MORC4: variants seen among roughly 807,000 people sequenced by gnomAD.
MORC4 encodes MORC family CW-type zinc finger 4, also known as MORC family CW-type zinc finger protein 4.
In MORC4, 22 loss-of-function variants were observed where a neutral mutation model predicts 65.5. That is an observed-to-expected ratio of 0.34 (90% CI 0.24 to 0.48). The LOEUF (loss-of-function observed/expected upper bound fraction) is 0.48. Ranked by LOEUF, MORC4 falls within the 20% of genes least tolerant of loss-of-function variation. The pLI, the probability that MORC4 is intolerant of heterozygous loss-of-function variation, is 0.99. For synonymous variants in MORC4, 267 were observed against 255.8 expected (o/e 1.04, Z -0.42); for missense variants, 624 against 703.0 (o/e 0.89, Z 1.27).
chrX:106,947,238 G>A (rs949855814), intron 14 of MORC4, among the ~76,000 whole-genome samples: 2 of 109,792 alleles, frequency 1.8e-5, no homozygotes, highest in African/African-American at 6.6e-5. Context: ...TAAATTCACT[G>A]AGGTTTGTTT....
In MORC4 at chrX:106,993,337, A is replaced by G; in HGVS notation, c.201T>C (p.Ser67=). The G allele has an allele frequency of 8.3e-7, 1 of 1,209,897 alleles. No homozygotes were observed. ...CAACATCTATAAAGACCGTCCTGGC[A>G]GATACATCTGGATCTACAGCATTAT... ...LLDNAVDPDV[S]ARTVFIDVEE... The change falls in exon 3 of 17, where the codon TCT becomes TCC. Residue 67 remains serine, a synonymous_variant. Coordinates refer to ENST00000355610, the MANE Select transcript of MORC4 (RefSeq NM_024657.5).
At chrX:106,970,643 C>A (rs1034996188) in intron 9 of MORC4, among the ~76,000 whole-genome samples, 1 of 111,698 alleles carries the variant, frequency 9.0e-6, no homozygotes, top group Non-Finnish European at 1.9e-5. Flanking sequence ...AAAATCAATG[C>A]GCAAAAATCA....
intron 9 of MORC4, among the ~76,000 whole-genome samples, chrX:106,968,293 C>T (rs1419582227): frequency 9.0e-6 from 1 of 110,941 alleles, no homozygotes; most frequent in African/African-American, 3.3e-5. Flanking sequence ...ACCAGGCCTG[C>T]CTTACAAGAG....
At chrX:106,958,581 G>A in intron 10 of MORC4, 117 bp from the exon 11 acceptor site, 1 of 612,993 alleles carries the variant, frequency 1.6e-6, no homozygotes, top group East Asian at 3.9e-5. Flanking sequence ...AAATATGTTG[G>A]GAATGTTATC....
chrX:106,977,889 G>C (rs936905590), intron 8 of MORC4, among the ~76,000 whole-genome samples, 191 bp downstream of exon 8: 6 of 111,440 alleles, frequency 5.4e-5, no homozygotes, highest in Non-Finnish European at 1.1e-4. Flanking sequence ...TTGATTAACA[G>C]CTGAAGAATG....
chrX:106,968,094 C>T (rs1313543323), intron 9 of MORC4, among the ~76,000 whole-genome samples: 1 of 111,903 alleles, frequency 8.9e-6, no homozygotes, highest in Non-Finnish European at 1.9e-5. Flanking sequence ...CAAAGGGAAG[C>T]CCATCAGACT....
intron 3 of MORC4, among the ~76,000 whole-genome samples, chrX:106,992,650 T>A (rs1935004121): frequency 8.9e-6 from 1 of 112,541 alleles, no homozygotes; most frequent in Non-Finnish European, 1.9e-5. Flanking sequence ...AGAATATATG[T>A]CTGAATGCCT....
chrX:106,980,779 A>G, intron 7 of MORC4, 112 bp downstream of exon 7: 1 of 672,735 alleles, frequency 1.5e-6, no homozygotes, highest in Non-Finnish European at 2.3e-6. Context: ...GTGTACTATG[A>G]CATACACTTT....
chrX:106,947,591 A>ATATT (rs1411668743), intron 14 of MORC4, among the ~76,000 whole-genome samples: 17 of 83,124 alleles, frequency 2.0e-4, no homozygotes, highest in African/African-American at 8.7e-4. Context: ...ATATATATAT[A>ATATT]ATATATATAT....
At chrX:106,971,140 G>A (rs997687527) in intron 9 of MORC4, among the ~76,000 whole-genome samples, 3 of 111,145 alleles carry the variant, frequency 2.7e-5, no homozygotes, top group Non-Finnish European at 3.8e-5. Context: ...GGAACAGAAC[G>A]GAGGCCTCAG....
Position 106,943,334 on chromosome X carries a change from G to A in MORC4, c.1686-129C>T, listed in dbSNP as rs767601098. ...AGATGTTACCCACAGACAAGTCCAG[G>A]TTAGGGATACAACTTTACCCACAAG... On this transcript the variant is annotated intron_variant, in intron 14 of 16. Coordinates refer to ENST00000355610, the MANE Select transcript of MORC4 (RefSeq NM_024657.5). 3 of 502,988 alleles carry A rather than the reference G, an allele frequency of 6.0e-6. No homozygotes were observed. In the East Asian group the frequency reaches 1.1e-4, roughly 18 times the overall value. The allele number at this position is 502,988 out of a possible 1,213,427, so 41.5% of individuals were successfully genotyped here.
rs774835397 is a variant in MORC4, at chrX:106,942,480, G to T, written c.2376+35C>A. 4 of 1,134,193 alleles carry T rather than the reference G, an allele frequency of 3.5e-6. No individual in the cohort carries two copies. The South Asian group carries it at 8.1e-5, about 23-fold the overall frequency. 93.5% of individuals were successfully genotyped at this position (1,134,193 alleles called of 1,213,427 possible). ...ATGTCCCGCTCCCTTGGTTACTATG[G>T]TCTCTTATTCCTAGTGGTGAGGTAT... is the stretch of plus-strand genomic sequence containing the variant. On this transcript the variant is annotated intron_variant, in intron 15 of 16. Transcript: ENST00000355610.
At chrX:106,957,145 A>G in intron 11 of MORC4, 141 bp from the exon 12 acceptor site, 1 of 326,526 alleles carries the variant, frequency 3.1e-6, no homozygotes, top group South Asian at 1.1e-4. Context: ...AAACCTTGTT[A>G]TATGTAAAGC....
intron 14 of MORC4, among the ~76,000 whole-genome samples, chrX:106,945,508 G>A (rs1328187737): frequency 9.4e-6 from 1 of 106,095 alleles, no homozygotes. Context: ...ACACAGAAGG[G>A]AGCTTAATTA....
Position 106,941,543 on chromosome X carries a change from T to C in MORC4, c.2750A>G (p.Tyr917Cys). Residue 917 changes from tyrosine to cysteine, a missense_variant, in exon 17 of 17, where the codon TAT becomes TGT. Coordinates refer to ENST00000355610, the MANE Select transcript of MORC4 (RefSeq NM_024657.5). The stretch of plus-strand genomic sequence containing the variant: ...GATCCCATCCACTTGTTCTGAGTCA[T>C]ACCCGATCTCACGAAGCTCCAAGTG... ...LPHLELREIG[Y>C]DSEQVDGILY... is the part of the protein sequence containing the mutation. 2 of 1,209,870 alleles carry C rather than the reference T, an allele frequency of 1.7e-6. No homozygotes were observed. Among genetic ancestry groups the C allele is most frequent in the South Asian group, 1.8e-5 (1 of 56,845 alleles).
intron 11 of MORC4, among the ~76,000 whole-genome samples, chrX:106,957,734 A>C: frequency 8.9e-6 from 1 of 111,929 alleles, no homozygotes; most frequent in Non-Finnish European, 1.9e-5. Flanking sequence ...ACACACAAAC[A>C]GCGCTGAATA....
At chrX:106,946,737 T>G (rs1438035923) in intron 14 of MORC4, among the ~76,000 whole-genome samples, 1 of 112,239 alleles carries the variant, frequency 8.9e-6, no homozygotes, top group African/African-American at 3.2e-5. Context: ...CATTTTGCAT[T>G]TATACCAGCA....
chrX:106,961,598 A>T (rs1274012710), intron 10 of MORC4, among the ~76,000 whole-genome samples: 2 of 111,816 alleles, frequency 1.8e-5, no homozygotes, highest in Non-Finnish European at 3.8e-5. Context: ...AAAACGCACC[A>T]ATCAGTGCTC....
chrX:106,941,556 G>C lies in MORC4; in HGVS notation c.2737C>G (p.Arg913Gly). 8.3e-7 allele frequency: 1 copy of C among 1,208,811 alleles called. No individual in the cohort carries two copies. The highest frequency in any genetic ancestry group is 1.1e-6 in the Non-Finnish European group (1 of 893,071). The change falls in exon 17 of 17, where the codon CGT (arginine) becomes GGT (glycine). Residue 913 changes from arginine (R) to glycine (G), a missense_variant. Arg to Gly is a moderately radical substitution (Grantham distance 125). Coordinates refer to ENST00000355610, the MANE Select transcript of MORC4 (RefSeq NM_024657.5). ...LTSVLPHLEL[R>G]EIGYDSEQVD... ...TGTTCTGAGTCATACCCGATCTCACGAAGCTCCAAGTGAGGGAGGACAGAA... is the reference window on the plus strand; with the variant it reads ...TGTTCTGAGTCATACCCGATCTCACCAAGCTCCAAGTGAGGGAGGACAGAA...
Sources: gnomAD v4.1 joint callset for allele counts (sites outside exome capture counted in the v4.1 genomes callset) on GRCh38, gnomAD v4.1.1 for gene constraint, MANE v1.5 for transcripts, NCBI Gene and HGNC (gene_info 2026-07-23, HGNC 2026-07-21) for gene names.